Variants in ATL3 observed in about 807,000 individuals in gnomAD.
ATL3 encodes atlastin-3.
A neutral mutation model predicts 69.5 loss-of-function variants in ATL3; 49 were observed. That is an observed-to-expected ratio of 0.71 (90% CI 0.56 to 0.89). ATL3 has a LOEUF of 0.89. Ranked by LOEUF, ATL3 falls within the 40% of genes least tolerant of loss-of-function variation. The probability of loss-of-function intolerance (pLI) is 0.00; values close to 1 mark genes in which losing one functional copy is unlikely to be tolerated. For missense variants in ATL3, 606 were observed against 645.7 expected (o/e 0.94, Z 0.67); for synonymous variants, 214 against 224.1 (o/e 0.95, Z 0.40).
At chr11:63,651,524 C>G (rs531942279) in intron 5 of ATL3, among the ~76,000 whole-genome samples, 1 of 152,282 alleles carries the variant, frequency 6.6e-6, no homozygotes, top group Non-Finnish European at 1.5e-5. Flanking sequence ...GAGGAAAAGA[C>G]CCAGAATGAG....
rs1366402909 is a variant in ATL3 at position 63,652,516 on chromosome 11, G to C, written c.465C>G (p.Asp155Glu). The C allele has an allele frequency of 1.9e-6, 3 of 1,611,882 alleles. No homozygotes were observed. The highest frequency in any genetic ancestry group is 2.5e-6 in the Non-Finnish European group (3 of 1,178,618). ...TGCTTAGAGCAAAGATGGTAGCACA[G>C]TCTTTCACAGTTGACTGGCTGTCAA... ...GAFDSQSTVK[D>E]CATIFALSTM... The change falls in exon 4 of 13, where the codon GAC (aspartate) becomes GAG (glutamate). Residue 155 changes from aspartate to glutamate, a missense_variant. Physicochemically the swap from Asp to Glu is conservative, Grantham distance 45. Transcript: ENST00000398868.
intron 1 of ATL3, among the ~76,000 whole-genome samples, chr11:63,669,140 GATTTCCTA>G (rs1210094871): frequency 6.6e-6 from 1 of 151,758 alleles, no homozygotes; most frequent in Non-Finnish European, 1.5e-5. Context: ...GCCAAGTAAG[GATTTCCTA>G]ATTAGCGCCT....
At chr11:63,655,510 C>T (rs1307340902) in intron 3 of ATL3, among the ~76,000 whole-genome samples, 1 of 148,970 alleles carries the variant, frequency 6.7e-6, no homozygotes, top group Non-Finnish European at 1.5e-5. Flanking sequence ...TGCAATGGTG[C>T]GATCTCGGCT....
chr11:63,643,458 C>T lies in ATL3; in HGVS notation c.749G>A (p.Arg250Gln), dbSNP rs1332337296. Residue 250 changes from arginine (R) to glutamine (Q), a missense_variant, in exon 8 of 13, where the codon CGA becomes CAA. Physicochemically the swap from Arg to Gln is conservative, Grantham distance 43. Transcript: ENST00000398868. ...EHQHEEIQNV[R>Q]NHIHSCFSDV... is the part of the protein sequence containing the mutation. ...GGAGAAACATGAGTGAATGTGATTTCGAACATTCTGAATTTCTTCATGTTG... is the reference window on the plus strand; with the variant it reads ...GGAGAAACATGAGTGAATGTGATTTTGAACATTCTGAATTTCTTCATGTTG... The T allele has an allele frequency of 1.2e-6, 2 of 1,612,616 alleles. No homozygotes were observed. Among genetic ancestry groups the T allele is most frequent in the South Asian group, 1.1e-5 (1 of 90,622 alleles).
rs907943208 is a variant in ATL3, at chr11:63,626,815, T to C, written c.*2504A>G. ...GATGATTTATAGCCAGTAATGATAA[T>C]GCATCTTTTATTGAAAAAGCTGATA... is the stretch of plus-strand genomic sequence containing the variant. On this transcript the variant is annotated 3_prime_UTR_variant, in exon 13 of 13. Transcript: ENST00000398868. 7.9e-5 allele frequency: 12 copies of C among 152,258 alleles called. No homozygotes were observed. Among genetic ancestry groups the C allele is most frequent in the East Asian group, 3.9e-4 (2 of 5,182 alleles). 9.4% of individuals were successfully genotyped at this position (152,258 alleles called of 1,614,324 possible). A position where few individuals can be genotyped will look rare whatever the true frequency, so the allele number is the denominator to read the frequency against.
rs1393208297 is a variant in ATL3, at chr11:63,625,196, A to G, written c.*4123T>C. ...TCATTTTTAAAAATTAATCACACAA[A>G]TAGTTTGTACTTTCATAACTGAAGC... On this transcript the variant is annotated 3_prime_UTR_variant, in exon 13 of 13. Transcript: ENST00000398868. 6.8e-6 allele frequency: 1 copy of G among 147,914 alleles called. No homozygotes were observed. Among genetic ancestry groups the G allele is most frequent in the Non-Finnish European group, 1.5e-5 (1 of 67,986 alleles). 9.2% of individuals were successfully genotyped at this position (147,914 alleles called of 1,614,324 possible). A position where few individuals can be genotyped will look rare whatever the true frequency, so the allele number is the denominator to read the frequency against.
intron 3 of ATL3, among the ~76,000 whole-genome samples, chr11:63,654,596 C>T: frequency 6.7e-6 from 1 of 149,048 alleles, no homozygotes; most frequent in East Asian, 2.0e-4. Context: ...CAGGGTTTCA[C>T]CACGTTGGTC....
chr11:63,646,060 A>AC (rs986997142), intron 6 of ATL3, among the ~76,000 whole-genome samples: 22 of 6,012 alleles, frequency 3.7e-3, no homozygotes, highest in Non-Finnish European at 6.8e-3. Flanking sequence ...CACTGTACCT[A>AC]CCCCCATTTT....
rs769374286 is a variant in ATL3 at position 63,643,440 on chromosome 11, C to T, written c.767G>A (p.Cys256Tyr). Reference protein sequence around the residue: ...IQNVRNHIHSCFSDVTCFLLP... With the variant: ...IQNVRNHIHSYFSDVTCFLLP... ...GAGAAAGCAGGTGACATCGGAGAAA[C>T]ATGAGTGAATGTGATTTCGAACATT... Residue 256 changes from cysteine to tyrosine, a missense_variant, in exon 8 of 13, where the codon TGT becomes TAT. Transcript: ENST00000398868. 3.7e-6 allele frequency: 6 copies of T among 1,612,632 alleles called. No individual in the cohort carries two copies. The highest frequency in any genetic ancestry group is 1.3e-5 in the African/African-American group (1 of 74,870).
At chr11:63,670,880 G>A in intron 1 of ATL3, among the ~76,000 whole-genome samples, 1 of 152,140 alleles carries the variant, frequency 6.6e-6, no homozygotes, top group Non-Finnish European at 1.5e-5. Flanking sequence ...TGAGTGCCCG[G>A]GCACGGAGGG....
At chr11:63,656,742 A>G (rs1032765912) in intron 3 of ATL3, among the ~76,000 whole-genome samples, 1 of 151,852 alleles carries the variant, frequency 6.6e-6, no homozygotes, top group Non-Finnish European at 1.5e-5. Flanking sequence ...AAAAAAAAAA[A>G]AAAGAAACAA....
intron 2 of ATL3, 59 bp downstream of exon 2, chr11:63,658,979 T>G: frequency 6.2e-7 from 1 of 1,602,790 alleles, no homozygotes; most frequent in Non-Finnish European, 8.5e-7. Context: ...TGAGCTTATT[T>G]CGCTTTTTTG....
intron 3 of ATL3, among the ~76,000 whole-genome samples, chr11:63,657,601 T>C (rs757720052): frequency 6.6e-6 from 1 of 152,206 alleles, no homozygotes; most frequent in Non-Finnish European, 1.5e-5. Flanking sequence ...ATAACACACA[T>C]GACAGCTGCT....
At chr11:63,655,243 C>A (rs1207866516) in intron 3 of ATL3, among the ~76,000 whole-genome samples, 1 of 152,162 alleles carries the variant, frequency 6.6e-6, no homozygotes, top group Non-Finnish European at 1.5e-5. Context: ...CTCCGCCGCC[C>A]AGGTTCCAGC....
chr11:63,661,800 A>C (rs1422183631), intron 1 of ATL3, among the ~76,000 whole-genome samples: 1 of 151,776 alleles, frequency 6.6e-6, no homozygotes. Context: ...GAGGCAGGAG[A>C]ATCGCTTGAA....
chr11:63,653,295 C>T (rs1194378891), intron 3 of ATL3, among the ~76,000 whole-genome samples: 1 of 151,998 alleles, frequency 6.6e-6, no homozygotes, highest in Non-Finnish European at 1.5e-5. Flanking sequence ...GGCAAAATCC[C>T]GTCTCTACTA....
intron 5 of ATL3, among the ~76,000 whole-genome samples, chr11:63,647,724 A>T (rs1939931657): frequency 2.0e-5 from 3 of 152,222 alleles, no homozygotes; most frequent in Admixed American, 2.0e-4. Context: ...TTTACCTCTA[A>T]ATCTTCAGGA....
At chr11:63,629,494 T>A in intron 12 of ATL3, 89 bp from the exon 13 acceptor site, 1 of 1,107,140 alleles carries the variant, frequency 9.0e-7, no homozygotes, top group Middle Eastern at 2.0e-4. Flanking sequence ...AAAACCTGTC[T>A]CCATCATCGG....
chr11:63,659,782 A>G (rs1453353043), intron 1 of ATL3, among the ~76,000 whole-genome samples: 1 of 151,902 alleles, frequency 6.6e-6, no homozygotes, highest in African/African-American at 2.4e-5. Context: ...CAACAAATAC[A>G]AAAATTAGCT....
Sources: gnomAD v4.1 joint callset for allele counts (sites outside exome capture counted in the v4.1 genomes callset) on GRCh38, gnomAD v4.1.1 for gene constraint, MANE v1.5 for transcripts, NCBI Gene and HGNC (gene_info 2026-07-23, HGNC 2026-07-21) for gene names.